The following GATA4 variants were observed in gnomAD, a reference collection of about 807,000 sequenced individuals.
GATA4 encodes the protein transcription factor GATA-4.
In GATA4, 7 loss-of-function variants were observed where a neutral mutation model predicts 37.9. That is an observed-to-expected ratio of 0.18 (90% CI 0.11 to 0.35). The LOEUF is 0.35. GATA4 is among the 10% of genes least tolerant of loss of function. GATA4 has a pLI of 1.00. For missense variants in GATA4, 647 were observed against 653.0 expected (o/e 0.99, Z 0.10); for synonymous variants, 372 against 292.6 (o/e 1.27, Z -2.77).
intron 6 of GATA4, 49 bp downstream of exon 6, chr8:11,757,132 G>T (rs1563233509): frequency 6.2e-7 from 1 of 1,608,566 alleles, no homozygotes; most frequent in African/African-American, 1.3e-5. Context: ...GAGGCCGACT[G>T]CAGAGTCCCA....
At chr8:11,742,022 G>A (rs143622768) in intron 2 of GATA4, among the ~76,000 whole-genome samples, 2 of 152,272 alleles carry the variant, frequency 1.3e-5, no homozygotes, top group African/African-American at 4.8e-5. Context: ...CTGTGGCCCT[G>A]GGCAGGATCT....
upstream of GATA4, among the ~76,000 whole-genome samples, chr8:11,690,983 G>C (rs535404452): frequency 2.6e-5 from 4 of 152,304 alleles, no homozygotes; most frequent in East Asian, 7.7e-4. Context: ...TTTAAGTCTT[G>C]GCTCCACCAC....
At chr8:11,721,255 G>C (rs1473436692) in intron 2 of GATA4, among the ~76,000 whole-genome samples, 3 of 151,060 alleles carry the variant, frequency 2.0e-5, no homozygotes, top group Non-Finnish European at 1.5e-5. Flanking sequence ...TAAAGGATGA[G>C]TAGGCGTTTG....
intron 2 of GATA4, among the ~76,000 whole-genome samples, chr8:11,725,521 G>T (rs1345846168): frequency 6.6e-6 from 1 of 152,212 alleles, no homozygotes; most frequent in Non-Finnish European, 1.5e-5. Context: ...TTTTTGCCTG[G>T]TTTCCTGTTG....
intron 2 of GATA4, among the ~76,000 whole-genome samples, chr8:11,743,500 G>A (rs1363184660): frequency 6.6e-6 from 1 of 152,244 alleles, no homozygotes; most frequent in African/African-American, 2.4e-5. Flanking sequence ...GCGCCGATGG[G>A]GCGGCAGCAG....
intron 1 of GATA4, chr8:11,680,599 G>C: frequency 1.0e-6 from 1 of 985,376 alleles, no homozygotes; most frequent in Non-Finnish European, 1.2e-6. Context: ...AGCCGGGTCC[G>C]AGCGGCGGTC....
chr8:11,686,402 T>C (rs1799136252), intron 1 of GATA4, among the ~76,000 whole-genome samples: 1 of 152,172 alleles, frequency 6.6e-6, no homozygotes, highest in Non-Finnish European at 1.5e-5. Flanking sequence ...CTCTAAGTCC[T>C]ACATTTAAAA....
chr8:11,757,512 G>T lies in GATA4; in HGVS notation c.1149+429G>T, dbSNP rs541182928. 4.1e-4 allele frequency among the ~76,000 whole-genome samples: 62 copies of T among 152,356 alleles called. 1 individual carries two copies. Among genetic ancestry groups the T allele is most frequent in the African/African-American group, 1.3e-3 (55 of 41,588 alleles). On this transcript the variant is annotated intron_variant, in intron 6 of 6. Coordinates refer to ENST00000532059, the MANE Select transcript of GATA4 (RefSeq NM_001308093.3). Reference sequence around the variant, plus strand: ...TTGCGCTGTCGGAGGCCGAGCGGAGGTTCTCTAGGCAAGTCTGCCTCCTAC... The same window carrying T: ...TTGCGCTGTCGGAGGCCGAGCGGAGTTTCTCTAGGCAAGTCTGCCTCCTAC...
At chr8:11,681,151 C>G (rs1248612846) in intron 1 of GATA4, 32 of 985,290 alleles carry the variant, frequency 3.2e-5, no homozygotes, top group Admixed American at 1.2e-4. Flanking sequence ...ATCTCCAGCT[C>G]CGTTCTGTTC....
At chr8:11,718,737 C>G (rs557162786) in intron 2 of GATA4, among the ~76,000 whole-genome samples, 27 of 152,370 alleles carry the variant, frequency 1.8e-4, no homozygotes, top group African/African-American at 6.5e-4. Context: ...TTTCTACTCC[C>G]CAGTTGAAAT....
Position 11,759,173 on chromosome 8 carries a change from C to T in GATA4, c.*698C>T, listed in dbSNP as rs1363497062. The T allele has an allele frequency of 6.3e-6, 1 of 159,592 alleles. No individual in the cohort carries two copies. The highest frequency in any genetic ancestry group is 1.4e-5 in the Non-Finnish European group (1 of 72,412). The allele number at this position is 159,592 out of a possible 1,614,324, so 9.9% of individuals were successfully genotyped here. A position where few individuals can be genotyped will look rare whatever the true frequency, so the allele number is the denominator to read the frequency against. On this transcript the variant is annotated 3_prime_UTR_variant, in exon 7 of 7. Coordinates refer to ENST00000532059, the MANE Select transcript of GATA4 (RefSeq NM_001308093.3). ...CTCAAAATAAAAATCCCTCTTCCCG[C>T]TCTGAGCGATTCAGCTCTGCCCGCA...
intron 2 of GATA4, among the ~76,000 whole-genome samples, chr8:11,713,092 C>G (rs980513962): frequency 6.6e-6 from 1 of 151,922 alleles, no homozygotes; most frequent in African/African-American, 2.4e-5. Flanking sequence ...TTAACAATAT[C>G]TTGCCATAGT....
chr8:11,715,843 A>G (rs562554936), intron 2 of GATA4, among the ~76,000 whole-genome samples: 3 of 151,778 alleles, frequency 2.0e-5, no homozygotes, highest in Non-Finnish European at 4.4e-5. Context: ...TAGAACTTAA[A>G]CTCTGCCCAT....
intron 2 of GATA4, among the ~76,000 whole-genome samples, chr8:11,722,910 T>C (rs1169322641): frequency 6.6e-6 from 1 of 152,234 alleles, no homozygotes; most frequent in African/African-American, 2.4e-5. Flanking sequence ...TTTGGTTACT[T>C]GGAGGTACAG....
intron 2 of GATA4, among the ~76,000 whole-genome samples, chr8:11,735,591 T>C (rs1801414099): frequency 6.6e-6 from 1 of 152,230 alleles, no homozygotes; most frequent in South Asian, 2.1e-4. Flanking sequence ...AGACGGAGTT[T>C]TGCTCTTATT....
At chr8:11,746,844 C>T (rs1802057695) in intron 2 of GATA4, among the ~76,000 whole-genome samples, 1 of 152,256 alleles carries the variant, frequency 6.6e-6, no homozygotes, top group Non-Finnish European at 1.5e-5. Flanking sequence ...GACGCCTGTG[C>T]TCCGCTCCCT....
At chr8:11,755,183 G>A in intron 5 of GATA4, 50 bp downstream of exon 5, 3 of 1,486,694 alleles carry the variant, frequency 2.0e-6, no homozygotes, top group Non-Finnish European at 2.8e-6. Flanking sequence ...GGAGCCCTCA[G>A]AGTGCCTAAG....
intron 5 of GATA4, 81 bp downstream of exon 5, chr8:11,755,214 G>A (rs1802495873): frequency 2.4e-6 from 3 of 1,231,170 alleles, no homozygotes; most frequent in Non-Finnish European, 3.5e-6. Context: ...TCCGGGTTAG[G>A]CAGGCCAGCC....
At chr8:11,755,650 C>A (rs554216248) in intron 5 of GATA4, among the ~76,000 whole-genome samples, 1 of 152,242 alleles carries the variant, frequency 6.6e-6, no homozygotes, top group Non-Finnish European at 1.5e-5. Flanking sequence ...CCATGAGAAC[C>A]AGTTTATGAC....
Sources: allele counts gnomAD v4.1 joint callset (sites outside exome capture counted in the v4.1 genomes callset), GRCh38; gene constraint gnomAD v4.1.1; transcripts MANE v1.5; gene names NCBI Gene and HGNC (gene_info 2026-07-23, HGNC 2026-07-21).